The following LANCL1 variants were observed in gnomAD, a reference collection of about 807,000 sequenced individuals.
LANCL1 encodes LanC like glutathione S-transferase 1.
A neutral mutation model predicts 50.6 loss-of-function variants in LANCL1; 50 were observed. That is an observed-to-expected ratio of 0.99 (90% CI 0.79 to 1.25). The LOEUF (loss-of-function observed/expected upper bound fraction) is 1.25, where lower values mean the gene tolerates loss of function less well. LANCL1 is among the 50% of genes most tolerant of loss of function. LANCL1 has a pLI of 0.00. For synonymous variants in LANCL1, 188 were observed against 178.6 expected, an observed-to-expected ratio of 1.05 and a Z score of -0.42; for missense variants, 532 against 480.7, an observed-to-expected ratio of 1.11 and a Z score of -1.00.
chr2:210,436,110 C>G (rs540830808), intron 8 of LANCL1, 106 bp downstream of exon 8: 1 of 936,006 alleles, frequency 1.1e-6, no homozygotes, highest in Non-Finnish European at 1.6e-6. Context: ...AGGCTGGTCT[C>G]GAACTCCTGA....
At chr2:210,442,055 C>A (rs1344724190) in intron 4 of LANCL1, among the ~76,000 whole-genome samples, 2 of 152,060 alleles carry the variant, frequency 1.3e-5, no homozygotes, top group East Asian at 3.9e-4. Context: ...TAGGTACACA[C>A]CACCACACCT....
At chr2:210,440,827 G>C in intron 5 of LANCL1, 83 bp from the exon 6 acceptor site, 1 of 1,268,592 alleles carries the variant, frequency 7.9e-7, no homozygotes, top group Non-Finnish European at 1.1e-6. Flanking sequence ...TTGCTAAGAG[G>C]TACTGGGGAA....
At chr2:210,462,933 G>A (rs554617938) in intron 3 of LANCL1, among the ~76,000 whole-genome samples, 1 of 152,158 alleles carries the variant, frequency 6.6e-6, no homozygotes, top group Admixed American at 6.5e-5. Flanking sequence ...TGAGTATCAT[G>A]TCATTGTTCA....
rs775613636 is a variant in LANCL1, at chr2:210,476,302, T to C, written c.81+14A>G. The C allele has an allele frequency of 1.2e-5, 19 of 1,596,272 alleles. No individual in the cohort carries two copies. Among genetic ancestry groups the C allele is most frequent in the Non-Finnish European group, 1.5e-5 (17 of 1,164,080 alleles). ...GGAGAGGCAGGGATGCAGGCAGACA[T>C]ATCCTAAACTCACCCTCCCGGCAGC... On this transcript the variant is annotated intron_variant, in intron 2 of 9. Coordinates refer to ENST00000450366, the MANE Select transcript of LANCL1 (RefSeq NM_006055.3).
intron 3 of LANCL1, among the ~76,000 whole-genome samples, chr2:210,463,404 G>A (rs1229476649): frequency 6.6e-6 from 1 of 152,076 alleles, no homozygotes; most frequent in African/African-American, 2.4e-5. Flanking sequence ...GTTTAGATTA[G>A]TGAATTAATG....
At chr2:210,466,450 C>T (rs1459231846) in intron 3 of LANCL1, among the ~76,000 whole-genome samples, 1 of 152,170 alleles carries the variant, frequency 6.6e-6, no homozygotes, top group African/African-American at 2.4e-5. Context: ...ACTTTATTTA[C>T]TGCCCCTAGT....
intron 3 of LANCL1, among the ~76,000 whole-genome samples, chr2:210,459,849 ATT>A (rs774653964): frequency 6.8e-6 from 1 of 146,322 alleles, no homozygotes. Flanking sequence ...TGTGAACTAG[ATT>A]TTTTTTTTTT....
chr2:210,446,435 G>A (rs528214588), intron 4 of LANCL1, among the ~76,000 whole-genome samples: 1 of 152,214 alleles, frequency 6.6e-6, no homozygotes, highest in African/African-American at 2.4e-5. Flanking sequence ...CCAAAAACCA[G>A]AATGCTGCTT....
At chr2:210,462,873 ACACTTAAATCTGACTAGTCATTAGC>A (rs1176807566) in intron 3 of LANCL1, among the ~76,000 whole-genome samples, 3 of 152,226 alleles carry the variant, frequency 2.0e-5, no homozygotes, top group Non-Finnish European at 4.4e-5. Context: ...TTTTAATAAA[ACACTTAAATCTGACTAGTCATTAGC>A]CACTTCTATG....
chr2:210,442,243 G>T (rs964926912), intron 4 of LANCL1, among the ~76,000 whole-genome samples: 1 of 152,058 alleles, frequency 6.6e-6, no homozygotes, highest in Admixed American at 6.6e-5. Context: ...GTGTCAGTCA[G>T]GTCTCCATCT....
rs539650746 is a variant in LANCL1 at position 210,437,295 on chromosome 2, T to C, written c.873+395A>G. Among the ~76,000 whole-genome samples the C allele has an allele frequency of 1.1e-4, 16 of 152,344 alleles. No homozygotes were observed. The South Asian group carries it at 2.9e-3, about 28-fold the overall frequency. Reference sequence around the variant, plus strand: ...AATAGCAGAATAATAATCCATTGCATTGTGATATGTTCCATTGTATATATG... The same window carrying C: ...AATAGCAGAATAATAATCCATTGCACTGTGATATGTTCCATTGTATATATG... On this transcript the variant is annotated intron_variant, in intron 7 of 9. Transcript: ENST00000450366.
chr2:210,434,390 G>T lies in LANCL1; in HGVS notation c.*97C>A. ...GCTAACAAAATCAAGTCCACAGTTT[G>T]ACTCTTTGTTTCCTTGGAAAGCAAC... On this transcript the variant is annotated 3_prime_UTR_variant, in exon 10 of 10. Coordinates refer to ENST00000450366, the MANE Select transcript of LANCL1 (RefSeq NM_006055.3). 1.2e-6 allele frequency: 1 copy of T among 827,752 alleles called. No homozygotes were observed. The highest frequency in any genetic ancestry group is 1.9e-5 in the South Asian group (1 of 52,586). The allele number at this position is 827,752 out of a possible 1,614,324, so 51.3% of individuals were successfully genotyped here.
chr2:210,459,360 A>G (rs905449380), intron 3 of LANCL1, among the ~76,000 whole-genome samples: 1 of 151,788 alleles, frequency 6.6e-6, no homozygotes, highest in Admixed American at 6.6e-5. Flanking sequence ...AACATAGAAG[A>G]AAATCTACAC....
At position 210,455,125 on chromosome 2, in the gene LANCL1, G is replaced by C; in HGVS notation, c.389C>G (p.Ala130Gly). Residue 130 changes from alanine to glycine, a missense_variant, in exon 4 of 10, where the codon GCA becomes GGA. Physicochemically the swap from Ala to Gly is moderately conservative, Grantham distance 60. Coordinates refer to ENST00000450366, the MANE Select transcript of LANCL1 (RefSeq NM_006055.3). ...TGATTACCGTGTGATGCAATCTTCTGCCTGCTTCTCATTGTTCATCTTGTG... is the reference window on the plus strand; with the variant it reads ...TGATTACCGTGTGATGCAATCTTCTCCCTGCTTCTCATTGTTCATCTTGTG... ...LYHKMNNEKQ[A>G]EDCITRLIHL... The C allele has an allele frequency of 6.2e-7, 1 of 1,613,330 alleles. No individual in the cohort carries two copies. Among genetic ancestry groups the C allele is most frequent in the Non-Finnish European group, 8.5e-7 (1 of 1,179,474 alleles).
chr2:210,457,234 T>C (rs1017545801), intron 3 of LANCL1, among the ~76,000 whole-genome samples: 3 of 152,196 alleles, frequency 2.0e-5, no homozygotes, highest in Non-Finnish European at 4.4e-5. Context: ...CACATGCTTA[T>C]TATAAATCAG....
intron 3 of LANCL1, among the ~76,000 whole-genome samples, chr2:210,466,969 G>A (rs1694083125): frequency 6.6e-6 from 1 of 152,136 alleles, no homozygotes; most frequent in African/African-American, 2.4e-5. Context: ...GGATGGGGAT[G>A]AAGGATTTCA....
chr2:210,471,314 G>C (rs542059462), intron 3 of LANCL1, among the ~76,000 whole-genome samples: 1 of 151,998 alleles, frequency 6.6e-6, no homozygotes, highest in East Asian at 1.9e-4. Flanking sequence ...CAAAGTGCTG[G>C]GATTACAGGT....
intron 3 of LANCL1, among the ~76,000 whole-genome samples, chr2:210,465,568 T>C (rs999900357): frequency 6.6e-6 from 1 of 152,216 alleles, no homozygotes; most frequent in Non-Finnish European, 1.5e-5. Flanking sequence ...GAAACTGCAG[T>C]ACATATTGAA....
At position 210,476,712 on chromosome 2, in the gene LANCL1, G is replaced by A. The variant is rs1694394480; in HGVS notation, c.-109C>T. 4.3e-6 allele frequency: 5 copies of A among 1,152,854 alleles called. No individual in the cohort carries two copies. Among genetic ancestry groups the A allele is most frequent in the East Asian group, 5.2e-5 (1 of 19,106 alleles). The allele number at this position is 1,152,854 out of a possible 1,614,324, so 71.4% of individuals were successfully genotyped here. ...GCGTCCTGAAGCCCTTCTCGGCCCT[G>A]GCCTCTCACCCCGCAGCCCCGGACA... On this transcript the variant is annotated 5_prime_UTR_variant, in exon 1 of 10. Transcript: ENST00000450366.
Sources: gnomAD v4.1 joint callset for allele counts (sites outside exome capture counted in the v4.1 genomes callset) on GRCh38, gnomAD v4.1.1 for gene constraint, MANE v1.5 for transcripts, NCBI Gene and HGNC (gene_info 2026-07-23, HGNC 2026-07-21) for gene names.